Variants in TMPRSS9 observed in about 807,000 individuals in gnomAD.
TMPRSS9 encodes the protein transmembrane serine protease 9.
TMPRSS9 carries 113 observed loss-of-function variants against 111.4 expected under a neutral mutation model. That is an observed-to-expected ratio of 1.01 (90% CI 0.87 to 1.19). The LOEUF (loss-of-function observed/expected upper bound fraction) is 1.19, where lower values mean the gene tolerates loss of function less well. TMPRSS9 is among the 50% of genes most tolerant of loss of function. The probability of loss-of-function intolerance (pLI) is 0.00; values close to 1 mark genes in which losing one functional copy is unlikely to be tolerated. For synonymous variants in TMPRSS9, 805 were observed against 659.1 expected (o/e 1.22, Z -3.39); for missense variants, 1,803 against 1,513.1 (o/e 1.19, Z -3.18).
intron 1 of TMPRSS9, among the ~76,000 whole-genome samples, chr19:2,363,471 C>A (rs957652989): frequency 1.4e-5 from 2 of 143,424 alleles, no homozygotes; most frequent in Non-Finnish European, 3.0e-5. Context: ...TCTCTGATGG[C>A]AGACACATGG....
exon 17 of TMPRSS9, chr19:2,425,393 GCCT>G: frequency 1.9e-6 from 3 of 1,557,182 alleles, no homozygotes; most frequent in Non-Finnish European, 2.6e-6. Context: ...GCGGCCGTGC[GCCT>G]CCTCAGCGAG....
In TMPRSS9 at chr19:2,415,610, C is replaced by T. The variant is rs972142785; in HGVS notation, c.1574-60C>T. On this transcript the variant is annotated intron_variant, in intron 10 of 17. Transcript: ENST00000648592. ...AACCGGTGTCCTGGGACCACCCCAC[C>T]GGATGCTCCCACCCGAGCAGGCCAA... is the stretch of plus-strand genomic sequence containing the variant. 2.6e-5 allele frequency: 37 copies of T among 1,411,056 alleles called. No homozygotes were observed. In the African/African-American group the frequency reaches 3.1e-4, roughly 12 times the overall value. 87.4% of individuals were successfully genotyped at this position (1,411,056 alleles called of 1,614,324 possible).
At chr19:2,404,823 T>C (rs12975664) in intron 6 of TMPRSS9, among the ~76,000 whole-genome samples, 2,266 of 150,048 alleles carry the variant, frequency 0.015, 21 homozygotes, top group Non-Finnish European at 0.024. Context: ...TCCCAGCTAC[T>C]CAGGAGGCTG....
rs549320301 is a variant in TMPRSS9 at position 2,401,364 on chromosome 19, C to G, written c.515-611C>G. On this transcript the variant is annotated intron_variant, in intron 4 of 17. Coordinates refer to ENST00000648592, the Ensembl canonical transcript of TMPRSS9. ...ACATGCTGGTCGAGGTCTTAATAAC[C>G]TCTGCTCCAGCGTTCACAGAACTTC... 4.6e-5 allele frequency among the ~76,000 whole-genome samples: 7 copies of G among 152,284 alleles called. No individual in the cohort carries two copies. The South Asian group carries it at 1.4e-3, about 32-fold the overall frequency.
chr19:2,390,137 C>T (rs897876623), intron 1 of TMPRSS9, among the ~76,000 whole-genome samples: 3 of 151,506 alleles, frequency 2.0e-5, no homozygotes, highest in Admixed American at 6.6e-5. Flanking sequence ...AAGAAGCTCC[C>T]GAAGGAAGTT....
intron 9 of TMPRSS9, 89 bp from the exon 11 acceptor site, chr19:2,413,611 C>G (rs1971145760): frequency 2.1e-6 from 3 of 1,432,938 alleles, no homozygotes; most frequent in Non-Finnish European, 2.8e-6. Context: ...CTGGCTGTCC[C>G]AGCTCAGAGC....
chr19:2,393,201 C>A (rs771112782), intron 1 of TMPRSS9, among the ~76,000 whole-genome samples: 12 of 152,134 alleles, frequency 7.9e-5, no homozygotes, highest in African/African-American at 2.4e-4. Context: ...TTTTTTAATT[C>A]TCTGCGAGAA....
At chr19:2,402,204 A>G (rs942971400) in intron 5 of TMPRSS9, among the ~76,000 whole-genome samples, 188 bp downstream of exon 6, 1 of 150,076 alleles carries the variant, frequency 6.7e-6, no homozygotes, top group Admixed American at 6.6e-5. Flanking sequence ...ACCAGGCTGG[A>G]CAACAGAGCG....
intron 7 of TMPRSS9, among the ~76,000 whole-genome samples, chr19:2,406,123 G>T (rs1970965056): frequency 6.8e-6 from 1 of 147,562 alleles, no homozygotes; most frequent in African/African-American, 2.5e-5. Flanking sequence ...CCATTCTCCT[G>T]CCTCAGCCTC....
chr19:2,408,453 A>G (rs755974563), exon 8 of TMPRSS9: 13 of 1,613,822 alleles, frequency 8.1e-6, no homozygotes, highest in Non-Finnish European at 1.1e-5. Flanking sequence ...CCAGATCGTC[A>G]AGCACCCCCT....
chr19:2,412,015 T>G (rs1362660361), intron 9 of TMPRSS9, among the ~76,000 whole-genome samples: 1 of 152,172 alleles, frequency 6.6e-6, no homozygotes, highest in Admixed American at 6.6e-5. Flanking sequence ...ATATTTGTGG[T>G]TAACTGTATT....
chr19:2,381,365 T>C (rs755116909), intron 1 of TMPRSS9, among the ~76,000 whole-genome samples: 13 of 149,976 alleles, frequency 8.7e-5, no homozygotes, highest in Non-Finnish European at 1.5e-4. Context: ...TGTGTGTGCG[T>C]GTGTGTGTGT....
Position 2,379,674 on chromosome 19 carries a change from T to TTTCTTTCTTTCC in TMPRSS9, c.-25-10083_-25-10082insTTCTTTCCTTCT, listed in dbSNP as rs1599278677. Among the ~76,000 whole-genome samples, 4 of 148,956 alleles carry TTTCTTTCTTTCC rather than the reference T, an allele frequency of 2.7e-5. No individual in the cohort carries two copies. The South Asian group carries it at 6.3e-4, about 24-fold the overall frequency. On this transcript the variant is annotated intron_variant, in intron 1 of 17. Transcript: ENST00000649857. ...CTTTCTTTCTTTCTTTCTTTCTTTC[T>TTTCTTTCTTTCC]TTCTCTTTTTCTTTCTTTCCTTCCT...
chr19:2,396,863 C>G (rs998804977), intron 2 of TMPRSS9, among the ~76,000 whole-genome samples, 197 bp downstream of exon 3: 9 of 151,508 alleles, frequency 5.9e-5, no homozygotes, highest in Non-Finnish European at 1.0e-4. Context: ...CAAGGCAGAG[C>G]TGTATCCACT....
At position 2,422,030 on chromosome 19, in the gene TMPRSS9, T is replaced by TC. The variant is rs774129240; in HGVS notation, c.2337dup (p.Ser780LeufsTer52). ...TGTCCTCCCAGCCCCTTCCCATGTC[T>TC]CCCCCCTCGACCACAAGGATGCTGG... On this transcript the variant is annotated frameshift_variant, in exon 14 of 18. Coordinates refer to ENST00000648592, the Ensembl canonical transcript of TMPRSS9. LOFTEE classifies it high-confidence loss of function. 5.0e-6 allele frequency: 8 copies of TC among 1,612,098 alleles called. No homozygotes were observed. The highest frequency in any genetic ancestry group is 1.1e-5 in the South Asian group (1 of 91,046).
At chr19:2,408,443 C>T in exon 8 of TMPRSS9, 1 of 1,613,892 alleles carries the variant, frequency 6.2e-7, no homozygotes, top group Non-Finnish European at 8.5e-7. Flanking sequence ...CCCAGGTGGT[C>T]CAGATCGTCA....
At position 2,392,158 on chromosome 19, in the gene TMPRSS9, A is replaced by G. The variant is rs1408230773; in HGVS notation, c.142+2231A>G. ...GAGCTCAGGAGTTCGAGACCAACCT[A>G]GGCAACATAGCAAGACCCCATCTCT... On this transcript the variant is annotated intron_variant, in intron 1 of 17. Coordinates refer to ENST00000648592, the Ensembl canonical transcript of TMPRSS9. 2.7e-5 allele frequency among the ~76,000 whole-genome samples: 4 copies of G among 150,698 alleles called. No individual in the cohort carries two copies. In the South Asian group the frequency reaches 8.5e-4, roughly 32 times the overall value.
rs1971297290 is a variant in TMPRSS9, at chr19:2,418,238, C to T, written c.2154+100C>T. 7 of 1,182,676 alleles carry T rather than the reference C, an allele frequency of 5.9e-6. 2 individuals carry two copies. The East Asian group carries it at 1.7e-4, about 29-fold the overall frequency. The allele number at this position is 1,182,676 out of a possible 1,614,324, so 73.3% of individuals were successfully genotyped here. On this transcript the variant is annotated intron_variant, in intron 13 of 17. Transcript: ENST00000648592. ...GTGCAGACCTAGATTTTTTTCCTTT[C>T]TTTCCTTCCCCCCCTCCTTCCCTCC... is the stretch of plus-strand genomic sequence containing the variant.
At chr19:2,384,357 T>C (rs994234351) in intron 1 of TMPRSS9, among the ~76,000 whole-genome samples, 1 of 152,204 alleles carries the variant, frequency 6.6e-6, no homozygotes, top group Non-Finnish European at 1.5e-5. Flanking sequence ...TTAAGGTCTC[T>C]TGGGGTCTCA....
Sources: allele counts gnomAD v4.1 joint callset (sites outside exome capture counted in the v4.1 genomes callset), GRCh38; gene constraint gnomAD v4.1.1; transcripts MANE v1.5; gene names NCBI Gene and HGNC (gene_info 2026-07-23, HGNC 2026-07-21).